SPAG16: variants seen among roughly 807,000 people sequenced by gnomAD.
SPAG16 encodes the protein sperm-associated antigen 16 protein.
In SPAG16, 86 loss-of-function variants were observed where a neutral mutation model predicts 80.4. The observed-to-expected ratio is 1.07, with a 90% CI of 0.90 to 1.28. SPAG16 has a LOEUF of 1.28. Ranked by LOEUF, SPAG16 falls within the 50% of genes most tolerant of loss-of-function variation. The probability of loss-of-function intolerance (pLI) is 0.00; values close to 1 mark genes in which losing one functional copy is unlikely to be tolerated. For missense variants in SPAG16, 870 were observed against 765.3 expected, an observed-to-expected ratio of 1.14 and a Z score of -1.61; for synonymous variants, 294 against 265.9, an observed-to-expected ratio of 1.11 and a Z score of -1.03.
At chr2:214,382,546 G>A (rs2126110733) in intron 15 of SPAG16, among the ~76,000 whole-genome samples, 1 of 152,318 alleles carries the variant, frequency 6.6e-6, no homozygotes, top group East Asian at 1.9e-4. Flanking sequence ...TTTCACGGAG[G>A]AGGGTGTGCT....
At chr2:213,905,134 G>A (rs569514883) in intron 11 of SPAG16, among the ~76,000 whole-genome samples, 183 of 152,118 alleles carry the variant, frequency 1.2e-3, no homozygotes, top group Non-Finnish European at 1.4e-3. Context: ...CAAAAGACTC[G>A]ATGGATTTGA....
intron 10 of SPAG16, among the ~76,000 whole-genome samples, chr2:213,490,670 C>T (rs768472737): frequency 2.0e-5 from 3 of 151,822 alleles, no homozygotes; most frequent in Non-Finnish European, 2.9e-5. Context: ...CATATATAAA[C>T]CTTATAATTC....
chr2:213,976,135 T>TACACACACACACACAC (rs1553685174), intron 12 of SPAG16, among the ~76,000 whole-genome samples: 7 of 81,416 alleles, frequency 8.6e-5, no homozygotes, highest in African/African-American at 2.7e-4. Context: ...TATATATATA[T>TACACACACACACACAC]ACACACACAC....
At chr2:214,191,568 G>A (rs1010064453) in intron 15 of SPAG16, among the ~76,000 whole-genome samples, 6 of 151,510 alleles carry the variant, frequency 4.0e-5, no homozygotes, top group African/African-American at 1.5e-4. Flanking sequence ...CAAAAAATTA[G>A]CCAGGTGTGG....
At chr2:213,790,694 A>T (rs1183242200) in intron 10 of SPAG16, among the ~76,000 whole-genome samples, 1 of 151,946 alleles carries the variant, frequency 6.6e-6, no homozygotes, top group South Asian at 2.1e-4. Flanking sequence ...TCAAGCATCT[A>T]TGTGTATGGT....
At chr2:214,138,302 G>C (rs558471902) in intron 14 of SPAG16, among the ~76,000 whole-genome samples, 3 of 152,226 alleles carry the variant, frequency 2.0e-5, no homozygotes, top group South Asian at 4.1e-4. Context: ...AAAGCTAGTG[G>C]AAGATAAGGG....
At chr2:214,075,764 G>A (rs2051044348) in intron 13 of SPAG16, among the ~76,000 whole-genome samples, 1 of 152,132 alleles carries the variant, frequency 6.6e-6, no homozygotes, top group Non-Finnish European at 1.5e-5. Flanking sequence ...TTTTATCTCA[G>A]TATACATTTT....
chr2:214,101,511 A>G (rs2053029110), intron 13 of SPAG16, among the ~76,000 whole-genome samples: 1 of 151,982 alleles, frequency 6.6e-6, no homozygotes, highest in East Asian at 1.9e-4. Context: ...TGAGAGGAGT[A>G]TTCTATGTCA....
chr2:214,292,250 G>T (rs1440599804), intron 15 of SPAG16, among the ~76,000 whole-genome samples: 1 of 152,086 alleles, frequency 6.6e-6, no homozygotes, highest in Non-Finnish European at 1.5e-5. Flanking sequence ...GTAGCTGTTT[G>T]GGGATCACTG....
At position 214,261,867 on chromosome 2, in the gene SPAG16, A is replaced by C. The variant is rs577314323; in HGVS notation, c.1720+112601A>C. Among the ~76,000 whole-genome samples the C allele has an allele frequency of 3.3e-5, 5 of 152,244 alleles. No individual in the cohort carries two copies. The South Asian group carries it at 8.3e-4, about 25-fold the overall frequency. Reference sequence around the variant, plus strand: ...GAGACCTCTGTGGAATTTTGATGCAAATGTCAACCAAAAATTCTTGGTAGC... The same window carrying C: ...GAGACCTCTGTGGAATTTTGATGCACATGTCAACCAAAAATTCTTGGTAGC... On this transcript the variant is annotated intron_variant, in intron 15 of 15. Transcript: ENST00000331683.
intron 11 of SPAG16, among the ~76,000 whole-genome samples, chr2:213,878,289 T>C (rs2076213449): frequency 6.6e-6 from 1 of 152,134 alleles, no homozygotes; most frequent in African/African-American, 2.4e-5. Flanking sequence ...TAATTTACAT[T>C]CCCACCAATA....
chr2:213,460,310 TGCAACA>T (rs1471883484), intron 9 of SPAG16, among the ~76,000 whole-genome samples: 16 of 152,238 alleles, frequency 1.1e-4, no homozygotes, highest in Non-Finnish European at 1.5e-4. Context: ...ATTCTCTGTG[TGCAACA>T]CTGTGAACCC....
chr2:213,615,773 A>G (rs1466682004), intron 10 of SPAG16, among the ~76,000 whole-genome samples: 3 of 152,258 alleles, frequency 2.0e-5, no homozygotes, highest in African/African-American at 7.2e-5. Flanking sequence ...CACATTAAAC[A>G]AGAATGCAGG....
intron 10 of SPAG16, among the ~76,000 whole-genome samples, chr2:213,809,126 C>G (rs2071961546): frequency 6.6e-6 from 1 of 152,130 alleles, no homozygotes; most frequent in African/African-American, 2.4e-5. Flanking sequence ...GTGTGTCTCC[C>G]CATTAACAGA....
At chr2:213,702,418 C>G (rs986007318) in intron 10 of SPAG16, among the ~76,000 whole-genome samples, 1 of 152,150 alleles carries the variant, frequency 6.6e-6, no homozygotes, top group Non-Finnish European at 1.5e-5. Context: ...AGCTGTAACA[C>G]TCACCGCGAA....
chr2:213,455,864 C>G (rs1410341186), intron 9 of SPAG16, among the ~76,000 whole-genome samples: 1 of 152,184 alleles, frequency 6.6e-6, no homozygotes, highest in Non-Finnish European at 1.5e-5. Flanking sequence ...GACCATGACT[C>G]AAGATAGTCA....
At chr2:213,510,991 T>A (rs974217732) in intron 10 of SPAG16, among the ~76,000 whole-genome samples, 1 of 152,142 alleles carries the variant, frequency 6.6e-6, no homozygotes, top group Non-Finnish European at 1.5e-5. Context: ...GTTATGATAA[T>A]AATAGCATTT....
chr2:213,744,048 G>A (rs1409475220), intron 10 of SPAG16, among the ~76,000 whole-genome samples: 3 of 152,140 alleles, frequency 2.0e-5, no homozygotes, highest in Non-Finnish European at 2.9e-5. Flanking sequence ...GGGAATATTT[G>A]AGGCTAGAAT....
At chr2:213,874,475 A>T (rs2076067714) in intron 11 of SPAG16, among the ~76,000 whole-genome samples, 1 of 152,098 alleles carries the variant, frequency 6.6e-6, no homozygotes, top group Admixed American at 6.6e-5. Flanking sequence ...CAGGGTCAGG[A>T]TCATTAATAT....
Sources: allele counts gnomAD v4.1 joint callset (sites outside exome capture counted in the v4.1 genomes callset), GRCh38; gene constraint gnomAD v4.1.1; transcripts MANE v1.5; gene names NCBI Gene and HGNC (gene_info 2026-07-23, HGNC 2026-07-21).